Variants in CTNNA3 observed in about 807,000 individuals in gnomAD.
The protein encoded by CTNNA3 is catenin alpha 3, also known as catenin alpha-3.
In CTNNA3, 76 loss-of-function variants were observed where a neutral mutation model predicts 95.7. That is an observed-to-expected ratio of 0.79 (90% CI 0.66 to 0.96). The LOEUF (loss-of-function observed/expected upper bound fraction) is 0.96, where lower values mean the gene tolerates loss of function less well. Ranked by LOEUF, CTNNA3 falls within the 40% of genes least tolerant of loss-of-function variation. CTNNA3 has a pLI of 0.00. For missense variants in CTNNA3, 1,191 were observed against 1,089.8 expected (o/e 1.09, Z -1.31); for synonymous variants, 431 against 374.4 (o/e 1.15, Z -1.74).
At chr10:67,329,510 A>G (rs1293114847) in intron 5 of CTNNA3, among the ~76,000 whole-genome samples, 1 of 152,206 alleles carries the variant, frequency 6.6e-6, no homozygotes, top group Non-Finnish European at 1.5e-5. Flanking sequence ...CTTCCTCATT[A>G]CTTTAAGAAA....
chr10:67,693,677 T>G (rs1268358743), intron 1 of CTNNA3, among the ~76,000 whole-genome samples: 1 of 152,232 alleles, frequency 6.6e-6, no homozygotes, highest in South Asian at 2.1e-4. Context: ...TTCATAACTC[T>G]ACCTCTCACT....
chr10:66,651,607 C>A (rs2132414610), intron 9 of CTNNA3, among the ~76,000 whole-genome samples: 1 of 152,172 alleles, frequency 6.6e-6, no homozygotes, highest in East Asian at 2.0e-4. Flanking sequence ...AAGCCCTGCC[C>A]TGCTGGGAGA....
intron 7 of CTNNA3, among the ~76,000 whole-genome samples, chr10:66,820,642 T>TA (rs58323145): frequency 0.26 from 34,220 of 129,460 alleles, 4,329 homozygotes; most frequent in East Asian, 0.45. Flanking sequence ...GAAGTGAAAG[T>TA]AAAAAAAAAA....
chr10:67,186,007 C>T (rs1004965213), intron 6 of CTNNA3, among the ~76,000 whole-genome samples: 2 of 140,120 alleles, frequency 1.4e-5, no homozygotes, highest in Non-Finnish European at 3.0e-5. Context: ...GCCTAGACTA[C>T]AGAGCAAGAC....
At chr10:66,638,732 T>A (rs997080619) in intron 9 of CTNNA3, among the ~76,000 whole-genome samples, 4 of 152,164 alleles carry the variant, frequency 2.6e-5, no homozygotes, top group Admixed American at 2.6e-4. Flanking sequence ...TCTCCAGGAA[T>A]CACAGTTGAC....
intron 7 of CTNNA3, among the ~76,000 whole-genome samples, chr10:67,082,119 C>G (rs745710466): frequency 6.6e-5 from 10 of 152,098 alleles, no homozygotes; most frequent in Non-Finnish European, 1.5e-4. Flanking sequence ...TCTTTCAATG[C>G]TATAGAGAGG....
chr10:66,165,140 C>A (rs917306330), intron 13 of CTNNA3, among the ~76,000 whole-genome samples: 4 of 152,008 alleles, frequency 2.6e-5, no homozygotes, highest in African/African-American at 9.7e-5. Flanking sequence ...CTGGAGGCTG[C>A]TATCCTAAGT....
At chr10:66,647,142 T>A (rs1845733709) in intron 9 of CTNNA3, among the ~76,000 whole-genome samples, 3 of 152,194 alleles carry the variant, frequency 2.0e-5, no homozygotes, top group African/African-American at 7.2e-5. Flanking sequence ...TGCTCAATCA[T>A]GTTTGGTAAA....
chr10:65,912,617 A>C lies in CTNNA3; in HGVS notation c.*7713T>G, dbSNP rs2076956989. 1 of 152,170 alleles carries C rather than the reference A, an allele frequency of 6.6e-6. No homozygotes were observed. Among genetic ancestry groups the C allele is most frequent in the South Asian group, 2.1e-4 (1 of 4,828 alleles). 9.4% of individuals were successfully genotyped at this position (152,170 alleles called of 1,614,324 possible). A position where few individuals can be genotyped will look rare whatever the true frequency, so the allele number is the denominator to read the frequency against. ...TGAGCTACAGAGTGACATGAGTTGA[A>C]ATTAGAATAAAGTAAAATAATACTA... is the stretch of plus-strand genomic sequence containing the variant. On this transcript the variant is annotated 3_prime_UTR_variant, in exon 18 of 18. Coordinates refer to ENST00000433211, the MANE Select transcript of CTNNA3 (RefSeq NM_013266.4).
chr10:66,356,122 G>GTTT (rs59366031), intron 12 of CTNNA3, among the ~76,000 whole-genome samples: 73 of 117,216 alleles, frequency 6.2e-4, no homozygotes, highest in South Asian at 8.6e-4. Flanking sequence ...TGCTTGTTTT[G>GTTT]TTTTTTTTTT....
At chr10:66,246,519 C>G (rs2090332535) in intron 13 of CTNNA3, among the ~76,000 whole-genome samples, 1 of 151,996 alleles carries the variant, frequency 6.6e-6, no homozygotes, top group East Asian at 1.9e-4. Flanking sequence ...GGCATGATGG[C>G]AACAGCAGGC....
chr10:66,727,858 G>A (rs974032680), intron 9 of CTNNA3, among the ~76,000 whole-genome samples: 17 of 152,126 alleles, frequency 1.1e-4, no homozygotes, highest in Admixed American at 7.9e-4. Flanking sequence ...AGATTATGGT[G>A]TAAGGTTTTA....
At chr10:67,059,700 T>C (rs1403060292) in intron 7 of CTNNA3, among the ~76,000 whole-genome samples, 1 of 152,134 alleles carries the variant, frequency 6.6e-6, no homozygotes, top group East Asian at 1.9e-4. Flanking sequence ...CCAAACTTGG[T>C]CTTCATGAAT....
chr10:67,131,608 C>G (rs1369630538), intron 7 of CTNNA3, among the ~76,000 whole-genome samples: 35 of 151,930 alleles, frequency 2.3e-4, no homozygotes, highest in Admixed American at 2.3e-3. Context: ...TCCATGCCTC[C>G]CAGTGTCAGA....
At position 66,677,621 on chromosome 10, in the gene CTNNA3, A is replaced by G. The variant is rs1021007788; in HGVS notation, c.1282-55837T>C. ...TAGTGAATAAGTCTCATGAGATTTGATGGTTTTATAAAGGGGAGTTCCCCT... is the reference window on the plus strand; with the variant it reads ...TAGTGAATAAGTCTCATGAGATTTGGTGGTTTTATAAAGGGGAGTTCCCCT... On this transcript the variant is annotated intron_variant, in intron 9 of 17. Transcript: ENST00000433211. Among the ~76,000 whole-genome samples the G allele has an allele frequency of 3.3e-5, 5 of 152,118 alleles. No homozygotes were observed. In the East Asian group the frequency reaches 9.7e-4, roughly 29 times the overall value.
chr10:65,968,101 T>C (rs1055310800), intron 16 of CTNNA3, among the ~76,000 whole-genome samples: 1 of 152,182 alleles, frequency 6.6e-6, no homozygotes, highest in African/African-American at 2.4e-5. Context: ...ATTTAAAACA[T>C]GCTGAATGCC....
chr10:67,501,576 T>C (rs747711961), intron 5 of CTNNA3, among the ~76,000 whole-genome samples: 18 of 152,194 alleles, frequency 1.2e-4, no homozygotes, highest in Non-Finnish European at 2.6e-4. Context: ...TTGGTTTCAT[T>C]CTCCCCATCA....
intron 6 of CTNNA3, among the ~76,000 whole-genome samples, chr10:67,196,544 G>A (rs1863377702): frequency 1.3e-5 from 2 of 152,018 alleles, no homozygotes; most frequent in Admixed American, 1.3e-4. Flanking sequence ...ATACTGTAAT[G>A]ATGGTTAAAC....
chr10:67,657,015 A>T (rs1840044448), intron 1 of CTNNA3, among the ~76,000 whole-genome samples: 1 of 152,248 alleles, frequency 6.6e-6, no homozygotes, highest in Admixed American at 6.5e-5. Flanking sequence ...ATAGTAACCT[A>T]GATGAGATAA....
Sources: allele counts gnomAD v4.1 joint callset (sites outside exome capture counted in the v4.1 genomes callset), GRCh38; gene constraint gnomAD v4.1.1; transcripts MANE v1.5; gene names NCBI Gene and HGNC (gene_info 2026-07-23, HGNC 2026-07-21).